CNTN4: variants seen among roughly 807,000 people sequenced by gnomAD.
CNTN4 encodes contactin-4.
In CNTN4, 77 loss-of-function variants were observed where a neutral mutation model predicts 122.5. The ratio of observed to expected loss-of-function variants is 0.63; its 90% CI spans 0.52 to 0.76. The LOEUF is 0.76. CNTN4 is among the 30% of genes least tolerant of loss of function. The pLI is 0.00. For synonymous variants in CNTN4, 512 were observed against 447.0 expected (o/e 1.15, Z -1.83); for missense variants, 1,256 against 1,259.1 (o/e 1.00, Z 0.04).
intron 4 of CNTN4, among the ~76,000 whole-genome samples, chr3:2,644,106 C>A (rs899009859): frequency 1.3e-5 from 2 of 152,134 alleles, no homozygotes; most frequent in African/African-American, 4.8e-5. Flanking sequence ...AGAGCCAGGG[C>A]ATCTGTCCCC....
Position 3,013,799 on chromosome 3 carries a change from T to G in CNTN4, c.1487-12303T>G, listed in dbSNP as rs143756770. 1.1e-4 allele frequency among the ~76,000 whole-genome samples: 16 copies of G among 152,286 alleles called. No individual in the cohort carries two copies. The East Asian group carries it at 2.9e-3, about 28-fold the overall frequency. On this transcript the variant is annotated intron_variant, in intron 14 of 24. Transcript: ENST00000418658. ...TTCTTATGTATCTCTCTGTGAATAT[T>G]GGTTTATTCGATGCTGCAGCAGTTT...
chr3:2,159,150 A>G (rs1047459660), intron 2 of CNTN4, among the ~76,000 whole-genome samples: 1 of 152,140 alleles, frequency 6.6e-6, no homozygotes, highest in African/African-American at 2.4e-5. Flanking sequence ...CTGATCTGAG[A>G]GAGAGTTGTG....
chr3:2,414,037 T>A (rs972065285), intron 3 of CNTN4, among the ~76,000 whole-genome samples: 1 of 152,092 alleles, frequency 6.6e-6, no homozygotes, highest in African/African-American at 2.4e-5. Context: ...GAGCTAAACC[T>A]CCATCACCCC....
intron 4 of CNTN4, among the ~76,000 whole-genome samples, chr3:2,642,935 T>A (rs922973631): frequency 1.3e-5 from 2 of 152,152 alleles, no homozygotes; most frequent in South Asian, 4.1e-4. Context: ...ATCTAACCAT[T>A]CTAAACCACA....
intron 14 of CNTN4, among the ~76,000 whole-genome samples, chr3:3,001,269 G>C (rs1696014275): frequency 6.6e-6 from 1 of 152,186 alleles, no homozygotes; most frequent in Admixed American, 6.5e-5. Flanking sequence ...ACTACGAAAA[G>C]AAAAATAAGG....
intron 3 of CNTN4, among the ~76,000 whole-genome samples, chr3:2,400,938 C>A (rs1024011646): frequency 6.7e-6 from 1 of 148,966 alleles, no homozygotes; most frequent in African/African-American, 2.4e-5. Flanking sequence ...TAATAGTTTT[C>A]TTCTTAGACT....
intron 13 of CNTN4, among the ~76,000 whole-genome samples, chr3:2,950,938 C>T (rs344404): frequency 0.66 from 99,731 of 152,130 alleles, 33,329 homozygotes; most frequent in African/African-American, 0.77. Context: ...TAGCATAGTA[C>T]TTGACACATA....
At chr3:2,219,468 G>A (rs889707782) in intron 2 of CNTN4, among the ~76,000 whole-genome samples, 1 of 152,068 alleles carries the variant, frequency 6.6e-6, no homozygotes, top group Non-Finnish European at 1.5e-5. Context: ...TTTGTGTTAC[G>A]TTGGATTTTT....
In CNTN4 at chr3:3,036,748, C is replaced by CAG. The variant is rs10617900; in HGVS notation, c.1943-413_1943-412dup. On this transcript the variant is annotated intron_variant, in intron 17 of 24. Transcript: ENST00000418658. ...TGCCACTGCACTCTACCCTGGGCAT[C>CAG]AGAGAGAGAGAGAGAGAGACCCTGT... Among the ~76,000 whole-genome samples, 1,368 of 144,848 alleles carry CAG rather than the reference C, an allele frequency of 9.4e-3. 14 individuals are homozygous for CAG. Among genetic ancestry groups the CAG allele is most frequent in the African/African-American group, 0.028 (1,082 of 39,100 alleles).
intron 3 of CNTN4, among the ~76,000 whole-genome samples, chr3:2,473,231 C>CAAA (rs769320613): frequency 2.5e-3 from 126 of 51,270 alleles, no homozygotes; most frequent in Admixed American, 5.3e-3. Flanking sequence ...AACTCCATCT[C>CAAA]AAAAAAAAAA....
At chr3:2,598,654 T>A (rs1412104513) in intron 4 of CNTN4, among the ~76,000 whole-genome samples, 1 of 152,202 alleles carries the variant, frequency 6.6e-6, no homozygotes, top group African/African-American at 2.4e-5. Flanking sequence ...AGGAAACTTA[T>A]GTAGCCGTAA....
At chr3:2,986,997 C>T (rs1694640796) in intron 13 of CNTN4, among the ~76,000 whole-genome samples, 1 of 152,100 alleles carries the variant, frequency 6.6e-6, no homozygotes, top group African/African-American at 2.4e-5. Context: ...AACAGGGAGA[C>T]AGGGAGAACC....
At chr3:3,027,623 G>A (rs1261658936) in intron 15 of CNTN4, among the ~76,000 whole-genome samples, 2 of 152,206 alleles carry the variant, frequency 1.3e-5, no homozygotes, top group Non-Finnish European at 2.9e-5. Context: ...ACAGGAAAGT[G>A]TAAATCGAGA....
At chr3:2,639,332 G>T (rs1348459923) in intron 4 of CNTN4, among the ~76,000 whole-genome samples, 1 of 151,982 alleles carries the variant, frequency 6.6e-6, no homozygotes, top group Non-Finnish European at 1.5e-5. Context: ...AACATGCCAG[G>T]CTTGCACCTG....
chr3:2,850,613 C>T (rs964736859), intron 7 of CNTN4, among the ~76,000 whole-genome samples: 5 of 152,052 alleles, frequency 3.3e-5, no homozygotes, highest in Non-Finnish European at 5.9e-5. Context: ...AAAACTCCCC[C>T]GCAGGTTTCC....
chr3:3,053,441 C>G (rs572093557), intron 23 of CNTN4, among the ~76,000 whole-genome samples: 4 of 152,220 alleles, frequency 2.6e-5, no homozygotes, highest in Non-Finnish European at 5.9e-5. Context: ...TGTGATCCCA[C>G]AGTGGCCAAG....
Position 3,056,294 on chromosome 3 carries a change from C to G in CNTN4, c.*74C>G. The G allele has an allele frequency of 9.4e-7, 1 of 1,064,410 alleles. No homozygotes were observed. The highest frequency in any genetic ancestry group is 1.5e-6 in the Non-Finnish European group (1 of 683,470). 65.9% of individuals were successfully genotyped at this position (1,064,410 alleles called of 1,614,324 possible). A position where few individuals can be genotyped will look rare whatever the true frequency, so the allele number is the denominator to read the frequency against. On this transcript the variant is annotated 3_prime_UTR_variant, in exon 25 of 25. Transcript: ENST00000418658. ...CTAGTTGTTTTGAAGACACCCAGTA[C>G]TAAGTAATATTGTTGTTCAAGTACA... is the stretch of plus-strand genomic sequence containing the variant.
chr3:2,361,491 A>G (rs2045136750), intron 3 of CNTN4, among the ~76,000 whole-genome samples: 1 of 152,172 alleles, frequency 6.6e-6, no homozygotes, highest in Admixed American at 6.5e-5. Context: ...TCAAGTGTCA[A>G]GGTTGAGAAA....
intron 2 of CNTN4, among the ~76,000 whole-genome samples, chr3:2,124,835 A>G (rs772004488): frequency 6.6e-6 from 1 of 152,372 alleles, no homozygotes; most frequent in Admixed American, 6.5e-5. Flanking sequence ...ACACAGATTT[A>G]ATGTATACAA....
Sources: allele counts gnomAD v4.1 joint callset (sites outside exome capture counted in the v4.1 genomes callset), GRCh38; gene constraint gnomAD v4.1.1; transcripts MANE v1.5; gene names NCBI Gene and HGNC (gene_info 2026-07-23, HGNC 2026-07-21).